The following RAB5A variants were observed in gnomAD, a reference collection of about 807,000 sequenced individuals.
RAB5A encodes the protein RAB5A, member RAS oncogene family.
In RAB5A, 8 loss-of-function variants were observed where a neutral mutation model predicts 25.7. That is an observed-to-expected ratio of 0.31 (90% CI 0.18 to 0.56). The LOEUF (loss-of-function observed/expected upper bound fraction) is 0.56. Ranked by LOEUF, RAB5A falls within the 20% of genes least tolerant of loss-of-function variation. The pLI is 0.91. For synonymous variants in RAB5A, 98 were observed against 89.8 expected, an observed-to-expected ratio of 1.09 and a Z score of -0.52; for missense variants, 192 against 259.7, an observed-to-expected ratio of 0.74 and a Z score of 1.79.
intron 2 of RAB5A, among the ~76,000 whole-genome samples, chr3:19,974,887 T>G (rs983540955): frequency 2.6e-5 from 4 of 152,176 alleles, no homozygotes; most frequent in African/African-American, 9.6e-5. Flanking sequence ...CCAACTTCAT[T>G]TTTTAAGACT....
intron 2 of RAB5A, among the ~76,000 whole-genome samples, chr3:19,959,881 C>T (rs1696561103): frequency 6.6e-6 from 1 of 152,118 alleles, no homozygotes; most frequent in African/African-American, 2.4e-5. Flanking sequence ...CTGGCTTGGC[C>T]TCCCAAAGTG....
At chr3:19,953,659 C>T (rs1029528145) in intron 2 of RAB5A, among the ~76,000 whole-genome samples, 12 of 152,128 alleles carry the variant, frequency 7.9e-5, no homozygotes, top group South Asian at 2.1e-4. Flanking sequence ...CTGCCTACCT[C>T]GGGCTCTCCA....
chr3:19,950,304 T>C (rs1696404833), intron 1 of RAB5A, among the ~76,000 whole-genome samples: 1 of 152,182 alleles, frequency 6.6e-6, no homozygotes, highest in Admixed American at 6.5e-5. Flanking sequence ...CTTCAAATAA[T>C]ACTAAATTTT....
At chr3:19,961,840 A>C (rs780137172) in intron 2 of RAB5A, among the ~76,000 whole-genome samples, 54 of 152,230 alleles carry the variant, frequency 3.5e-4, no homozygotes, top group Non-Finnish European at 6.9e-4. Flanking sequence ...AATTTGAAAT[A>C]TGTCAGATGT....
At chr3:19,967,573 A>G (rs376177990) in intron 2 of RAB5A, among the ~76,000 whole-genome samples, 20 of 152,318 alleles carry the variant, frequency 1.3e-4, no homozygotes, top group African/African-American at 4.6e-4. Context: ...TAGATAAACT[A>G]GTATAGATCA....
intron 2 of RAB5A, among the ~76,000 whole-genome samples, chr3:19,971,086 A>T (rs929518361): frequency 6.6e-6 from 1 of 150,854 alleles, no homozygotes; most frequent in Non-Finnish European, 1.5e-5. Context: ...AATCCCAGCT[A>T]CTCGGGAGGC....
At chr3:19,950,085 T>A (rs977907182) in intron 1 of RAB5A, among the ~76,000 whole-genome samples, 2 of 152,146 alleles carry the variant, frequency 1.3e-5, no homozygotes, top group Non-Finnish European at 2.9e-5. Context: ...GTCTAAAGAC[T>A]ACAAAAAAGT....
chr3:19,970,372 A>C (rs1696727491), intron 2 of RAB5A, among the ~76,000 whole-genome samples: 1 of 152,168 alleles, frequency 6.6e-6, no homozygotes, highest in African/African-American at 2.4e-5. Flanking sequence ...TTCTCACCTG[A>C]TTCCAGGGTC....
intron 2 of RAB5A, among the ~76,000 whole-genome samples, chr3:19,962,211 G>T (rs1696596051): frequency 6.6e-6 from 1 of 152,208 alleles, no homozygotes; most frequent in African/African-American, 2.4e-5. Context: ...TTCAAGGGAA[G>T]AGTGTCAACA....
chr3:19,969,610 G>A (rs1696715789), intron 2 of RAB5A, among the ~76,000 whole-genome samples: 1 of 152,166 alleles, frequency 6.6e-6, no homozygotes, highest in South Asian at 2.1e-4. Context: ...CAAACCTGAA[G>A]TTTCATATTT....
intron 2 of RAB5A, among the ~76,000 whole-genome samples, chr3:19,962,380 T>G (rs1359438100): frequency 6.6e-6 from 1 of 152,078 alleles, no homozygotes; most frequent in Non-Finnish European, 1.5e-5. Flanking sequence ...CCAGCCTGAC[T>G]AACATAGTGA....
intron 2 of RAB5A, among the ~76,000 whole-genome samples, chr3:19,964,895 T>C (rs2125185772): frequency 1.3e-5 from 2 of 151,986 alleles, no homozygotes; most frequent in East Asian, 3.9e-4. Context: ...GGAGCTACCA[T>C]GCCTAGCCAA....
In RAB5A at chr3:19,984,025, A is replaced by G. The variant is rs1466557686; in HGVS notation, c.*202A>G. ...GGTCCCTCTCACTAATGTTTCAACA[A>G]TAGGGAAAAATGAGAACTATGTGGA... On this transcript the variant is annotated 3_prime_UTR_variant, in exon 6 of 6. Coordinates refer to ENST00000273047, the MANE Select transcript of RAB5A (RefSeq NM_004162.5). 7 of 519,046 alleles carry G rather than the reference A, an allele frequency of 1.3e-5. No individual in the cohort carries two copies. Among genetic ancestry groups the G allele is most frequent in the African/African-American group, 1.9e-5 (1 of 51,558 alleles). The allele number at this position is 519,046 out of a possible 1,614,324, so 32.2% of individuals were successfully genotyped here. A position where few individuals can be genotyped will look rare whatever the true frequency, so the allele number is the denominator to read the frequency against.
intron 2 of RAB5A, among the ~76,000 whole-genome samples, chr3:19,975,085 G>T (rs1003135760): frequency 6.6e-6 from 1 of 152,108 alleles, no homozygotes; most frequent in African/African-American, 2.4e-5. Context: ...AATTAGCCAC[G>T]TGTGGTGGTG....
intron 2 of RAB5A, among the ~76,000 whole-genome samples, chr3:19,956,883 C>T (rs1299352918): frequency 6.6e-6 from 1 of 151,334 alleles, no homozygotes; most frequent in Admixed American, 6.6e-5. Flanking sequence ...GTAGCTGTTA[C>T]ACCTAGTGCA....
At chr3:19,975,515 TGATA>T (rs1696811654) in intron 2 of RAB5A, 82 bp from the exon 3 acceptor site, 3 of 1,311,062 alleles carry the variant, frequency 2.3e-6, no homozygotes, top group Non-Finnish European at 3.2e-6. Flanking sequence ...TGTGACATTT[TGATA>T]GATGTATACA....
At chr3:19,951,763 C>T (rs1302108902) in intron 2 of RAB5A, among the ~76,000 whole-genome samples, 3 of 138,388 alleles carry the variant, frequency 2.2e-5, no homozygotes, top group Non-Finnish European at 4.6e-5. Flanking sequence ...TCTTGAACTC[C>T]TGGCCTCAAG....
intron 2 of RAB5A, among the ~76,000 whole-genome samples, chr3:19,974,355 A>T (rs1696792208): frequency 6.6e-6 from 1 of 151,900 alleles, no homozygotes; most frequent in Admixed American, 6.6e-5. Flanking sequence ...GGGTTTCACC[A>T]TGTTGGCCAG....
intron 2 of RAB5A, among the ~76,000 whole-genome samples, chr3:19,975,052 C>G (rs1352473587): frequency 6.6e-6 from 1 of 151,978 alleles, no homozygotes; most frequent in African/African-American, 2.4e-5. Flanking sequence ...ATGGTGAAAC[C>G]CCATCTCTAC....
Sources: gnomAD v4.1 joint callset for allele counts (sites outside exome capture counted in the v4.1 genomes callset) on GRCh38, gnomAD v4.1.1 for gene constraint, MANE v1.5 for transcripts, NCBI Gene and HGNC (gene_info 2026-07-23, HGNC 2026-07-21) for gene names.